Variants in ERBB4 observed in about 807,000 individuals in gnomAD.
ERBB4 encodes receptor tyrosine-protein kinase erbB-4.
ERBB4 carries 42 observed loss-of-function variants against 158.0 expected under a neutral mutation model. The observed-to-expected ratio is 0.27, with a 90% CI of 0.21 to 0.34. The LOEUF (loss-of-function observed/expected upper bound fraction) is 0.34. Ranked by LOEUF, ERBB4 falls within the 10% of genes least tolerant of loss-of-function variation. ERBB4 has a pLI of 1.00. For synonymous variants in ERBB4, 583 were observed against 558.7 expected, an observed-to-expected ratio of 1.04 and a Z score of -0.61; for missense variants, 1,333 against 1,624.1, an observed-to-expected ratio of 0.82 and a Z score of 3.08.
At chr2:211,926,046 A>G (rs2080013279) in intron 3 of ERBB4, among the ~76,000 whole-genome samples, 1 of 152,156 alleles carries the variant, frequency 6.6e-6, no homozygotes, top group African/African-American at 2.4e-5. Context: ...TGCGGAGGAA[A>G]AGACAAAAAA....
chr2:212,136,576 C>T (rs918138249), intron 1 of ERBB4, among the ~76,000 whole-genome samples: 14 of 152,174 alleles, frequency 9.2e-5, no homozygotes, highest in African/African-American at 3.4e-4. Context: ...ATGAGGGGCA[C>T]ATGACCTGGA....
At chr2:212,177,263 C>T (rs1196013798) in intron 1 of ERBB4, among the ~76,000 whole-genome samples, 1 of 151,624 alleles carries the variant, frequency 6.6e-6, no homozygotes, top group Non-Finnish European at 1.5e-5. Context: ...CTATGGTGTT[C>T]TCATTTTTTA....
At chr2:211,587,531 G>C (rs2068322615) in intron 19 of ERBB4, among the ~76,000 whole-genome samples, 1 of 152,066 alleles carries the variant, frequency 6.6e-6, no homozygotes. Flanking sequence ...AGCCAGAAGA[G>C]GCAAGGAAGG....
At chr2:212,391,398 A>C (rs545975724) in intron 1 of ERBB4, among the ~76,000 whole-genome samples, 1 of 151,358 alleles carries the variant, frequency 6.6e-6, no homozygotes, top group East Asian at 1.9e-4. Context: ...TTCACAGCTG[A>C]TGTTTAATAT....
intron 3 of ERBB4, among the ~76,000 whole-genome samples, chr2:211,852,183 C>A (rs2077736182): frequency 6.6e-6 from 1 of 151,764 alleles, no homozygotes; most frequent in Non-Finnish European, 1.5e-5. Context: ...ATTAATCATC[C>A]AAAAACACTA....
At chr2:211,727,567 T>G (rs758864722) in intron 5 of ERBB4, among the ~76,000 whole-genome samples, 6 of 151,838 alleles carry the variant, frequency 4.0e-5, no homozygotes, top group Admixed American at 2.6e-4. Context: ...GTGTATAGAG[T>G]TAAAGAGATA....
chr2:212,119,080 T>C (rs889893939), intron 2 of ERBB4, among the ~76,000 whole-genome samples: 3 of 152,026 alleles, frequency 2.0e-5, no homozygotes, highest in Non-Finnish European at 4.4e-5. Context: ...GGAGTTCCAA[T>C]GAATTACGAT....
At chr2:212,227,842 T>C (rs1377613300) in intron 1 of ERBB4, among the ~76,000 whole-genome samples, 3 of 151,904 alleles carry the variant, frequency 2.0e-5, no homozygotes, top group East Asian at 1.9e-4. Context: ...AAAAGTCTTA[T>C]GGGAACTCAC....
At chr2:212,037,300 C>T (rs1375309485) in intron 2 of ERBB4, among the ~76,000 whole-genome samples, 2 of 152,004 alleles carry the variant, frequency 1.3e-5, no homozygotes, top group East Asian at 3.9e-4. Context: ...AGCATGGAGC[C>T]CTGCTATGTT....
chr2:212,495,612 G>A (rs1011866209), intron 1 of ERBB4, among the ~76,000 whole-genome samples: 1 of 152,092 alleles, frequency 6.6e-6, no homozygotes, highest in Non-Finnish European at 1.5e-5. Context: ...ACCTGGCGAG[G>A]CACGTGCTAT....
At chr2:211,946,433 T>C (rs560838758) in intron 3 of ERBB4, among the ~76,000 whole-genome samples, 8 of 152,084 alleles carry the variant, frequency 5.3e-5, no homozygotes, top group African/African-American at 1.9e-4. Context: ...TCAATAATTA[T>C]TACCACTTAT....
intron 2 of ERBB4, among the ~76,000 whole-genome samples, chr2:212,022,792 A>G (rs80044823): frequency 0.061 from 9,287 of 152,212 alleles, 297 homozygotes; most frequent in South Asian, 0.1. Flanking sequence ...AGAAATGGTC[A>G]CAAATGAAAT....
intron 1 of ERBB4, among the ~76,000 whole-genome samples, chr2:212,528,310 G>T (rs1458230751): frequency 1.3e-5 from 2 of 152,056 alleles, no homozygotes; most frequent in Non-Finnish European, 2.9e-5. Context: ...CGTGCAAGAG[G>T]CTGAGAAGCA....
intron 1 of ERBB4, among the ~76,000 whole-genome samples, chr2:212,409,221 AAAGACACACCT>A (rs2091432076): frequency 6.6e-6 from 1 of 152,138 alleles, no homozygotes; most frequent in Admixed American, 6.6e-5. Flanking sequence ...AAATACATGG[AAAGACACACCT>A]TGCACACCCT....
At position 211,956,038 on chromosome 2, in the gene ERBB4, G is replaced by C. The variant is rs1389492791; in HGVS notation, c.235-8422C>G. Among the ~76,000 whole-genome samples the C allele has an allele frequency of 6.9e-5, 10 of 144,604 alleles. No homozygotes were observed. The East Asian group carries it at 1.9e-3, about 28-fold the overall frequency. 94.9% of individuals were successfully genotyped at this position (144,604 alleles called of 152,430 possible). On this transcript the variant is annotated intron_variant, in intron 2 of 27. Coordinates refer to ENST00000342788, the MANE Select transcript of ERBB4 (RefSeq NM_005235.3). The stretch of plus-strand genomic sequence containing the variant: ...ATTCTATCATCTCTAAAGTGTGTGT[G>C]TGTGTGTGTGTGTGTGTGTGTGTGT...
intron 16 of ERBB4, among the ~76,000 whole-genome samples, chr2:211,635,927 C>A (rs2070340639): frequency 6.6e-6 from 1 of 151,842 alleles, no homozygotes; most frequent in African/African-American, 2.4e-5. Context: ...TCCTATAAAA[C>A]ACTGATGGTA....
At chr2:212,181,103 T>C (rs2081845288) in intron 1 of ERBB4, among the ~76,000 whole-genome samples, 2 of 151,680 alleles carry the variant, frequency 1.3e-5, no homozygotes, top group Non-Finnish European at 3.0e-5. Flanking sequence ...TAAGGTCATG[T>C]AGTCACTAAG....
intron 1 of ERBB4, among the ~76,000 whole-genome samples, chr2:212,239,292 C>G (rs1352043761): frequency 1.3e-5 from 2 of 152,180 alleles, no homozygotes; most frequent in Non-Finnish European, 2.9e-5. Flanking sequence ...ATCCTCCTGT[C>G]TCAGCATCCT....
chr2:212,499,058 A>T (rs1690738783), intron 1 of ERBB4, among the ~76,000 whole-genome samples: 1 of 151,930 alleles, frequency 6.6e-6, no homozygotes, highest in Admixed American at 6.6e-5. Context: ...GGACTAGATA[A>T]AAGCAATAAT....
Sources: gnomAD v4.1 joint callset for allele counts (sites outside exome capture counted in the v4.1 genomes callset) on GRCh38, gnomAD v4.1.1 for gene constraint, MANE v1.5 for transcripts, NCBI Gene and HGNC (gene_info 2026-07-23, HGNC 2026-07-21) for gene names.